Variants in LNPK observed in about 807,000 individuals in gnomAD.
The protein encoded by LNPK is endoplasmic reticulum junction formation protein lunapark.
In LNPK, 29 loss-of-function variants were observed where a neutral mutation model predicts 55.2. The observed-to-expected ratio is 0.53, with a 90% CI of 0.39 to 0.72. The LOEUF (loss-of-function observed/expected upper bound fraction) is 0.72, where lower values mean the gene tolerates loss of function less well. Among genes scored for constraint, LNPK ranks in the 30% least tolerant of loss-of-function variants. The pLI is 0.00. For synonymous variants in LNPK, 162 were observed against 168.2 expected (o/e 0.96, Z 0.29); for missense variants, 467 against 494.8 (o/e 0.94, Z 0.53).
intron 5 of LNPK, among the ~76,000 whole-genome samples, chr2:175,973,812 CAT>C (rs1686768070): frequency 6.6e-6 from 1 of 152,210 alleles, no homozygotes. Context: ...ATTGACTACT[CAT>C]GTTTGTTTTT....
chr2:175,942,300 T>C (rs1020315071), intron 9 of LNPK, among the ~76,000 whole-genome samples: 2 of 152,208 alleles, frequency 1.3e-5, no homozygotes, highest in Non-Finnish European at 2.9e-5. Flanking sequence ...ATGCAAATAC[T>C]ATGCCATTTC....
intron 5 of LNPK, among the ~76,000 whole-genome samples, chr2:175,973,563 T>C (rs1686756759): frequency 1.3e-5 from 2 of 152,224 alleles, no homozygotes; most frequent in African/African-American, 4.8e-5. Flanking sequence ...TTACCAGCAG[T>C]AGTTACAGTA....
chr2:175,977,263 T>C (rs938710028), intron 5 of LNPK, among the ~76,000 whole-genome samples: 3 of 152,202 alleles, frequency 2.0e-5, no homozygotes, highest in Non-Finnish European at 4.4e-5. Flanking sequence ...GTATTAATAA[T>C]AGCCAGGAGC....
upstream of LNPK, chr2:176,002,377 A>AGTTGTTGGGGCGGGTC: frequency 2.8e-6 from 1 of 362,670 alleles, no homozygotes; most frequent in South Asian, 2.0e-5. Flanking sequence ...CTGGGCGGGT[A>AGTTGTTGGGGCGGGTC]GTTGTTGGGG....
At chr2:175,959,706 T>G (rs138002874) in intron 8 of LNPK, among the ~76,000 whole-genome samples, 1,905 of 152,180 alleles carry the variant, frequency 0.013, 40 homozygotes, top group African/African-American at 0.043. Context: ...AATTCACATA[T>G]AACAATATTA....
At position 175,974,344 on chromosome 2, in the gene LNPK, G is replaced by T. The variant is rs375250882; in HGVS notation, c.317-3540C>A. ...TTGTCACAGTACAAAAATACACATG[G>T]CACTTAAAAAATGCTGTAAAGTTAT... On this transcript the variant is annotated intron_variant, in intron 5 of 12. Coordinates refer to ENST00000272748, the MANE Select transcript of LNPK (RefSeq NM_030650.3). 7.9e-5 allele frequency among the ~76,000 whole-genome samples: 12 copies of T among 152,118 alleles called. 1 individual carries two copies. Among genetic ancestry groups the T allele is most frequent in the African/African-American group, 2.9e-4 (12 of 41,522 alleles).
chr2:175,967,695 G>C (rs1379791285), intron 6 of LNPK: 3 of 980,352 alleles, frequency 3.1e-6, no homozygotes, highest in South Asian at 9.4e-5. Context: ...TGTTGAAATT[G>C]ATGATGCTTT....
At chr2:175,978,273 G>C (rs1210293556) in intron 5 of LNPK, among the ~76,000 whole-genome samples, 1 of 152,024 alleles carries the variant, frequency 6.6e-6, no homozygotes, top group Non-Finnish European at 1.5e-5. Flanking sequence ...ATGATTTAAA[G>C]TATGCAGGAG....
intron 3 of LNPK, 56 bp from the exon 4 acceptor site, chr2:175,992,474 A>C (rs529957847): frequency 2.8e-4 from 308 of 1,091,496 alleles, no homozygotes; most frequent in Non-Finnish European, 3.8e-4. Flanking sequence ...AAAGAAATTA[A>C]AATGTTAAAA....
At position 175,925,443 on chromosome 2, in the gene LNPK, G is replaced by A. The variant is rs1371547968; in HGVS notation, c.*4524C>T. The A allele has an allele frequency of 6.6e-6, 1 of 152,144 alleles. No homozygotes were observed. Among genetic ancestry groups the A allele is most frequent in the East Asian group, 1.9e-4 (1 of 5,174 alleles). The allele number at this position is 152,144 out of a possible 1,614,324, so 9.4% of individuals were successfully genotyped here. ...GAAGGCTGGGAGATGAGAAAAGACTGCATATGCAAAACACAGAAAACACTA... is the reference window on the plus strand; with the variant it reads ...GAAGGCTGGGAGATGAGAAAAGACTACATATGCAAAACACAGAAAACACTA... On this transcript the variant is annotated 3_prime_UTR_variant, in exon 13 of 13. Coordinates refer to ENST00000272748, the MANE Select transcript of LNPK (RefSeq NM_030650.3).
chr2:175,945,398 G>A (rs999402735), intron 9 of LNPK, among the ~76,000 whole-genome samples: 4 of 150,726 alleles, frequency 2.7e-5, no homozygotes, highest in East Asian at 4.0e-4. Context: ...CCAGCTACTC[G>A]GCAGGCTGAG....
intron 4 of LNPK, 92 bp downstream of exon 4, chr2:175,992,139 A>T: frequency 1.3e-6 from 1 of 768,722 alleles, no homozygotes; most frequent in Non-Finnish European, 2.0e-6. Flanking sequence ...ATTACCATTT[A>T]ATAATAAAGA....
chr2:175,934,017 C>T (rs192819447), intron 12 of LNPK, among the ~76,000 whole-genome samples: 4 of 152,240 alleles, frequency 2.6e-5, no homozygotes, highest in African/African-American at 7.2e-5. Context: ...CGTGAGCCAC[C>T]GTGCCTGGCC....
At chr2:175,946,150 C>A (rs1241841854) in intron 9 of LNPK, among the ~76,000 whole-genome samples, 1 of 152,144 alleles carries the variant, frequency 6.6e-6, no homozygotes, top group African/African-American at 2.4e-5. Context: ...GCTATTATTC[C>A]TTCTATAGCC....
intron 9 of LNPK, among the ~76,000 whole-genome samples, chr2:175,939,994 A>T (rs1236956311): frequency 6.6e-6 from 1 of 152,098 alleles, no homozygotes; most frequent in Non-Finnish European, 1.5e-5. Flanking sequence ...CGTGATAGTA[A>T]ATCAGGGGAC....
chr2:175,996,557 C>A (rs1003739888), intron 1 of LNPK, among the ~76,000 whole-genome samples: 1 of 152,162 alleles, frequency 6.6e-6, no homozygotes, highest in African/African-American at 2.4e-5. Context: ...TATAGTATTA[C>A]CATCTCACAG....
At chr2:175,935,342 A>G (rs1684490087) in intron 12 of LNPK, among the ~76,000 whole-genome samples, 1 of 152,176 alleles carries the variant, frequency 6.6e-6, no homozygotes, top group African/African-American at 2.4e-5. Context: ...GTCTGTTAGC[A>G]AAGAGTAGAT....
chr2:175,984,919 G>T (rs1182037873), intron 4 of LNPK, among the ~76,000 whole-genome samples: 1 of 152,186 alleles, frequency 6.6e-6, no homozygotes, highest in Non-Finnish European at 1.5e-5. Flanking sequence ...AATATTCATT[G>T]CAGCCTTATT....
At chr2:175,995,352 C>T (rs1303830606) in intron 2 of LNPK, among the ~76,000 whole-genome samples, 4 of 151,954 alleles carry the variant, frequency 2.6e-5, no homozygotes. Context: ...TGAAATAATT[C>T]TGTTAAACAG....
Sources: gnomAD v4.1 joint callset for allele counts (sites outside exome capture counted in the v4.1 genomes callset) on GRCh38, gnomAD v4.1.1 for gene constraint, MANE v1.5 for transcripts, NCBI Gene and HGNC (gene_info 2026-07-23, HGNC 2026-07-21) for gene names.